PPP1R12B: variants seen among roughly 807,000 people sequenced by gnomAD.
PPP1R12B encodes myosin phosphatase target subunit 2.
PPP1R12B carries 76 observed loss-of-function variants against 126.1 expected under a neutral mutation model. The observed-to-expected ratio is 0.60, with a 90% CI of 0.50 to 0.73. The LOEUF (loss-of-function observed/expected upper bound fraction) is 0.73. Among genes scored for constraint, PPP1R12B ranks in the 30% least tolerant of loss-of-function variants. The probability of loss-of-function intolerance (pLI) is 0.00; values close to 1 mark genes in which losing one functional copy is unlikely to be tolerated. For synonymous variants in PPP1R12B, 356 were observed against 434.7 expected (o/e 0.82, Z 2.25); for missense variants, 1,052 against 1,205.1 (o/e 0.87, Z 1.88).
chr1:202,549,190 C>T (rs1402327264), intron 18 of PPP1R12B, among the ~76,000 whole-genome samples: 3 of 152,218 alleles, frequency 2.0e-5, no homozygotes, highest in East Asian at 1.9e-4. Flanking sequence ...CTGTGGCCCT[C>T]GCAAGGCCCC....
rs111697917 is a variant in PPP1R12B, at chr1:202,588,872, T to TAGATAGATAGATAGATAGATA, written c.*8313_*8314insGATAGATAGATAGATAGATAA. On this transcript the variant is annotated 3_prime_UTR_variant, in exon 24 of 24. Coordinates refer to ENST00000608999, the MANE Select transcript of PPP1R12B (RefSeq NM_002481.4). ...ATAGATAGATAGATAGATAGATAGA[T>TAGATAGATAGATAGATAGATA]ATCAAGGTTCCAAGCTTCAAGTAAC... The TAGATAGATAGATAGATAGATA allele has an allele frequency of 8.8e-5, 13 of 146,970 alleles. No homozygotes were observed. Among genetic ancestry groups the TAGATAGATAGATAGATAGATA allele is most frequent in the South Asian group, 4.2e-4 (2 of 4,748 alleles). The allele number at this position is 146,970 out of a possible 1,614,324, so 9.1% of individuals were successfully genotyped here. A position where few individuals can be genotyped will look rare whatever the true frequency, so the allele number is the denominator to read the frequency against.
At chr1:202,520,148 G>T (rs1362673600) in intron 18 of PPP1R12B, among the ~76,000 whole-genome samples, 1 of 152,218 alleles carries the variant, frequency 6.6e-6, no homozygotes, top group Non-Finnish European at 1.5e-5. Flanking sequence ...AACTGTTAAG[G>T]TCACAGAAAA....
intron 18 of PPP1R12B, among the ~76,000 whole-genome samples, chr1:202,549,578 C>A (rs1437023755): frequency 5.9e-5 from 9 of 152,066 alleles, no homozygotes; most frequent in Non-Finnish European, 1.5e-5. Flanking sequence ...CGCCACCACA[C>A]CTGGCTAATT....
At position 202,519,865 on chromosome 1, in the gene PPP1R12B, G is replaced by A. The variant is rs558015474; in HGVS notation, c.2490+23043G>A. Among the ~76,000 whole-genome samples, 199 of 152,222 alleles carry A rather than the reference G, an allele frequency of 1.3e-3. 1 individual carries two copies. The highest frequency in any genetic ancestry group is 2.1e-3 in the Non-Finnish European group (142 of 68,014). On this transcript the variant is annotated intron_variant, in intron 18 of 23. Coordinates refer to ENST00000608999, the MANE Select transcript of PPP1R12B (RefSeq NM_002481.4). ...GAAAAGAACTCTTACCATTTGTTGC[G>A]TCTGGGACTTGTGTGGAGGGTTTTT...
At chr1:202,556,517 A>G (rs560020296) in intron 18 of PPP1R12B, among the ~76,000 whole-genome samples, 1 of 152,230 alleles carries the variant, frequency 6.6e-6, no homozygotes, top group Non-Finnish European at 1.5e-5. Flanking sequence ...TAAAAAATGT[A>G]TGTATCTCTT....
intron 18 of PPP1R12B, among the ~76,000 whole-genome samples, chr1:202,554,311 C>G (rs1400336363): frequency 1.3e-5 from 2 of 152,174 alleles, no homozygotes; most frequent in Non-Finnish European, 1.5e-5. Context: ...GGCTAAAAAC[C>G]TGAAAGGAAA....
chr1:202,505,933 A>C (rs1274721400), intron 18 of PPP1R12B, among the ~76,000 whole-genome samples: 2 of 152,178 alleles, frequency 1.3e-5, no homozygotes, highest in African/African-American at 4.8e-5. Context: ...TGATAACATG[A>C]TAATGTTCAT....
At chr1:202,516,626 T>TA (rs111758794) in intron 18 of PPP1R12B, among the ~76,000 whole-genome samples, 75 of 147,520 alleles carry the variant, frequency 5.1e-4, no homozygotes, top group South Asian at 4.7e-3. Flanking sequence ...AGTTTGCCGT[T>TA]AAAAAAAAAA....
At chr1:202,445,204 C>G in intron 12 of PPP1R12B, 3 of 1,246,712 alleles carry the variant, frequency 2.4e-6, no homozygotes, top group Non-Finnish European at 2.0e-6. Flanking sequence ...AGTGCAAACA[C>G]TACTGCATCT....
At chr1:202,368,202 C>G (rs1028167418) in intron 1 of PPP1R12B, among the ~76,000 whole-genome samples, 1 of 152,096 alleles carries the variant, frequency 6.6e-6, no homozygotes, top group African/African-American at 2.4e-5. Context: ...AACTCCTGAC[C>G]TCAGGTGATC....
At chr1:202,531,279 C>A (rs1339739885) in intron 18 of PPP1R12B, among the ~76,000 whole-genome samples, 1 of 152,190 alleles carries the variant, frequency 6.6e-6, no homozygotes, top group Non-Finnish European at 1.5e-5. Context: ...TATCTTCCAA[C>A]TTGGCTGTGT....
chr1:202,522,657 A>G (rs1307140392), intron 18 of PPP1R12B, among the ~76,000 whole-genome samples: 2 of 152,194 alleles, frequency 1.3e-5, no homozygotes, highest in African/African-American at 4.8e-5. Flanking sequence ...TAGTCAGATT[A>G]TCCTTCCATA....
intron 1 of PPP1R12B, among the ~76,000 whole-genome samples, chr1:202,358,482 AC>A (rs1657526058): frequency 6.6e-6 from 1 of 152,168 alleles, no homozygotes; most frequent in Admixed American, 6.5e-5. Context: ...GGAGATTGAG[AC>A]CATCCTGGCT....
chr1:202,511,084 A>T (rs1202658183), intron 18 of PPP1R12B, among the ~76,000 whole-genome samples: 1 of 147,690 alleles, frequency 6.8e-6, no homozygotes. Flanking sequence ...ATATATTAGC[A>T]GAGTCTTTTA....
At chr1:202,415,698 T>C (rs1164518648) in intron 1 of PPP1R12B, among the ~76,000 whole-genome samples, 1 of 152,242 alleles carries the variant, frequency 6.6e-6, no homozygotes, top group African/African-American at 2.4e-5. Context: ...TTCAGAAAGC[T>C]TCTGCTTTCT....
intron 13 of PPP1R12B, among the ~76,000 whole-genome samples, chr1:202,481,756 T>G (rs937579654): frequency 6.6e-6 from 1 of 152,210 alleles, no homozygotes; most frequent in Non-Finnish European, 1.5e-5. Flanking sequence ...CTTTTACCTA[T>G]TTTGTAATAT....
At chr1:202,432,596 AG>A (rs1289601029) in intron 8 of PPP1R12B, among the ~76,000 whole-genome samples, 2 of 152,182 alleles carry the variant, frequency 1.3e-5, no homozygotes, top group African/African-American at 4.8e-5. Flanking sequence ...TTGTTTGACA[AG>A]ACAGGAACCC....
chr1:202,547,352 C>G (rs1018713929), intron 18 of PPP1R12B, among the ~76,000 whole-genome samples: 1 of 152,112 alleles, frequency 6.6e-6, no homozygotes, highest in Non-Finnish European at 1.5e-5. Context: ...ACCTGGTTAT[C>G]ATGCAGTGAG....
intron 1 of PPP1R12B, among the ~76,000 whole-genome samples, chr1:202,394,613 G>T (rs1484707255): frequency 2.6e-5 from 4 of 151,948 alleles, no homozygotes; most frequent in Non-Finnish European, 5.9e-5. Context: ...AATTAGCCGG[G>T]CATGGTGGCG....
Sources: allele counts gnomAD v4.1 joint callset (sites outside exome capture counted in the v4.1 genomes callset), GRCh38; gene constraint gnomAD v4.1.1; transcripts MANE v1.5; gene names NCBI Gene and HGNC (gene_info 2026-07-23, HGNC 2026-07-21).